CSMD1: variants seen among roughly 807,000 people sequenced by gnomAD.
CSMD1 encodes the protein CUB and Sushi multiple domains 1.
Under a neutral mutation model 417.5 loss-of-function variants are expected in CSMD1, and 213 were observed. The observed-to-expected ratio is 0.51, with a 90% confidence interval of 0.46 to 0.57. CSMD1 has a LOEUF of 0.57. Ranked by LOEUF, CSMD1 falls within the 20% of genes least tolerant of loss-of-function variation. The probability of loss-of-function intolerance (pLI) is 0.00; values close to 1 mark genes in which losing one functional copy is unlikely to be tolerated. For missense variants in CSMD1, 6,923 were observed against 4,529.7 expected, an observed-to-expected ratio of 1.53 and a Z score of -15.17; for synonymous variants, 2,862 against 1,736.8, an observed-to-expected ratio of 1.65 and a Z score of -16.11.
intron 9 of CSMD1, among the ~76,000 whole-genome samples, chr8:3,579,289 A>G (rs755415445): frequency 7.2e-5 from 11 of 152,180 alleles, no homozygotes; most frequent in Non-Finnish European, 1.2e-4. Context: ...TAATCAATGA[A>G]TATTTGTTAA....
At chr8:3,104,548 A>C (rs770563369) in intron 46 of CSMD1, among the ~76,000 whole-genome samples, 22 of 152,202 alleles carry the variant, frequency 1.4e-4, no homozygotes, top group Non-Finnish European at 2.9e-4. Flanking sequence ...TTTTCAAAAA[A>C]AAAATCTAAG....
chr8:4,204,686 A>T (rs1799873484), intron 3 of CSMD1, among the ~76,000 whole-genome samples: 1 of 151,992 alleles, frequency 6.6e-6, no homozygotes, highest in African/African-American at 2.4e-5. Flanking sequence ...ACACAGTTTC[A>T]CTCTGTCACC....
intron 3 of CSMD1, among the ~76,000 whole-genome samples, chr8:4,079,637 A>G (rs1800017312): frequency 6.6e-6 from 1 of 152,246 alleles, no homozygotes; most frequent in Non-Finnish European, 1.5e-5. Flanking sequence ...CTAAATTGAT[A>G]CACAGACACA....
intron 49 of CSMD1, among the ~76,000 whole-genome samples, chr8:3,057,934 C>G (rs1393019621): frequency 1.3e-5 from 2 of 152,156 alleles, no homozygotes; most frequent in Non-Finnish European, 2.9e-5. Flanking sequence ...TCACCAAAAC[C>G]TTCCCCTACT....
intron 7 of CSMD1, among the ~76,000 whole-genome samples, chr8:3,626,249 T>C (rs1407896424): frequency 6.6e-6 from 1 of 152,212 alleles, no homozygotes; most frequent in Non-Finnish European, 1.5e-5. Context: ...TTAGGGCCTG[T>C]CATTTCTGCT....
chr8:3,088,766 C>G, intron 48 of CSMD1, among the ~76,000 whole-genome samples: 1 of 145,466 alleles, frequency 6.9e-6, no homozygotes, highest in African/African-American at 2.6e-5. Flanking sequence ...TTTGAATGAA[C>G]CAAAATACTT....
At chr8:3,211,204 A>G (rs4355792) in intron 30 of CSMD1, among the ~76,000 whole-genome samples, 88,684 of 151,760 alleles carry the variant, frequency 0.58, 26,158 homozygotes, top group African/African-American at 0.67. Flanking sequence ...ACCACCCCAC[A>G]CAGCTAATTT....
chr8:3,429,503 G>C (rs764464310), intron 12 of CSMD1, among the ~76,000 whole-genome samples: 1 of 152,120 alleles, frequency 6.6e-6, no homozygotes, highest in Non-Finnish European at 1.5e-5. Context: ...CGCCCCTGCA[G>C]GGAAAAAGGC....
chr8:3,052,148 T>A (rs1336404544), intron 50 of CSMD1, among the ~76,000 whole-genome samples: 1 of 152,192 alleles, frequency 6.6e-6, no homozygotes, highest in African/African-American at 2.4e-5. Flanking sequence ...GGGCTTAATG[T>A]CTCAATTTCC....
chr8:4,143,864 T>C (rs1280262275), intron 3 of CSMD1, among the ~76,000 whole-genome samples: 2 of 151,102 alleles, frequency 1.3e-5, no homozygotes, highest in African/African-American at 4.9e-5. Context: ...CCCTCTCAGT[T>C]ACCCCTTATC....
intron 1 of CSMD1, among the ~76,000 whole-genome samples, chr8:4,982,950 C>G (rs548831574): frequency 4.6e-5 from 7 of 152,082 alleles, no homozygotes; most frequent in Non-Finnish European, 7.4e-5. Flanking sequence ...TAATGTAATT[C>G]TTTAAAATTA....
Position 4,676,141 on chromosome 8 carries a change from A to G in CSMD1, c.86-38583T>C, listed in dbSNP as rs370959783. On this transcript the variant is annotated intron_variant, in intron 1 of 69. Coordinates refer to ENST00000635120, the MANE Select transcript of CSMD1 (RefSeq NM_033225.6). ...TCTGCTATGCATAAGATGTTTTGTC[A>G]TATAAACAGACATGTTTTCTATATT... Among the ~76,000 whole-genome samples, 30 of 152,312 alleles carry G rather than the reference A, an allele frequency of 2.0e-4. No homozygotes were observed. The South Asian group carries it at 5.2e-3, about 26-fold the overall frequency.
intron 1 of CSMD1, among the ~76,000 whole-genome samples, chr8:4,898,762 T>A (rs73659284): frequency 0.029 from 4,451 of 152,220 alleles, 230 homozygotes; most frequent in African/African-American, 0.1. Flanking sequence ...AGTTCATCGT[T>A]GGAAGCGGGG....
chr8:4,689,159 A>G (rs1252603550), intron 1 of CSMD1, among the ~76,000 whole-genome samples: 2 of 152,234 alleles, frequency 1.3e-5, no homozygotes, highest in Admixed American at 6.5e-5. Flanking sequence ...CAAAGGTAAC[A>G]GGCCCCAAAT....
chr8:4,839,000 T>A (rs976128276), intron 1 of CSMD1, among the ~76,000 whole-genome samples: 5 of 152,236 alleles, frequency 3.3e-5, no homozygotes, highest in Non-Finnish European at 7.3e-5. Flanking sequence ...TTTGCCTCCT[T>A]AACATTCAGA....
chr8:3,059,706 G>A (rs1047844997), intron 49 of CSMD1, among the ~76,000 whole-genome samples: 2 of 152,154 alleles, frequency 1.3e-5, no homozygotes, highest in Non-Finnish European at 2.9e-5. Flanking sequence ...CAGTAGGGCA[G>A]CCCATGAGAG....
chr8:3,672,149 T>G (rs1412051996), intron 7 of CSMD1, among the ~76,000 whole-genome samples: 1 of 152,204 alleles, frequency 6.6e-6, no homozygotes, highest in African/African-American at 2.4e-5. Flanking sequence ...AAACTTGTTT[T>G]CTAGTGTGAA....
intron 5 of CSMD1, among the ~76,000 whole-genome samples, chr8:3,929,868 G>A (rs918726537): frequency 6.7e-6 from 1 of 149,642 alleles, no homozygotes; most frequent in Non-Finnish European, 1.5e-5. Flanking sequence ...CACCATATTG[G>A]TCCCGCTCAT....
chr8:4,747,817 A>T (rs1811053937), intron 1 of CSMD1, among the ~76,000 whole-genome samples: 1 of 152,180 alleles, frequency 6.6e-6, no homozygotes, highest in South Asian at 2.1e-4. Flanking sequence ...CCAAAGCATC[A>T]TTTGTAAATG....
Sources: allele counts gnomAD v4.1 joint callset (sites outside exome capture counted in the v4.1 genomes callset), GRCh38; gene constraint gnomAD v4.1.1; transcripts MANE v1.5; gene names NCBI Gene and HGNC (gene_info 2026-07-23, HGNC 2026-07-21).